Variants in CCL25 observed in about 807,000 individuals in gnomAD.
The protein encoded by CCL25 is C-C motif chemokine ligand 25.
CCL25 carries 14 observed loss-of-function variants against 19.9 expected under a neutral mutation model. The observed-to-expected ratio is 0.70, with a 90% CI of 0.47 to 1.10. CCL25 has a LOEUF of 1.10. Among genes scored for constraint, CCL25 ranks in the 50% least tolerant of loss-of-function variants. The pLI is 0.00. For synonymous variants in CCL25, 68 were observed against 73.2 expected (o/e 0.93, Z 0.36); for missense variants, 151 against 181.2 (o/e 0.83, Z 0.96).
At position 8,062,377 on chromosome 19, in the gene CCL25, AC is replaced by A; in HGVS notation, c.*154del. 1 of 743,432 alleles carries A rather than the reference AC, an allele frequency of 1.3e-6. No individual in the cohort carries two copies. Among genetic ancestry groups the A allele is most frequent in the Non-Finnish European group, 2.3e-6 (1 of 439,544 alleles). The allele number at this position is 743,432 out of a possible 1,614,324, so 46.1% of individuals were successfully genotyped here. A position where few individuals can be genotyped will look rare whatever the true frequency, so the allele number is the denominator to read the frequency against. On this transcript the variant is annotated 3_prime_UTR_variant, in exon 6 of 6. Coordinates refer to ENST00000315626, the MANE Select transcript of CCL25 (RefSeq NM_005624.4). ...GAGTTGGTCCTCCCTCTGCACCCCC[AC>A]CACCTCCTGCCCGTCTGGCAACTGG...
chr19:8,059,568 T>C (rs1199572641), intron 5 of CCL25, among the ~76,000 whole-genome samples: 1 of 152,084 alleles, frequency 6.6e-6, no homozygotes. Flanking sequence ...ACTGCCCCCA[T>C]TTCAGATGCT....
Position 8,056,148 on chromosome 19 carries a change from G to T in CCL25, c.74-4G>T, listed in dbSNP as rs1287762924. ...CGAGTATCTGGGCGGCTGTGTGGTT[G>T]CAGGTGTCTTTGAGGACTGCTGCCT... is the stretch of plus-strand genomic sequence containing the variant. On this transcript the variant is annotated splice_region_variant and splice_polypyrimidine_tract_variant and intron_variant, in intron 2 of 5. Transcript: ENST00000315626. 2 of 1,535,264 alleles carry T rather than the reference G, an allele frequency of 1.3e-6. No individual in the cohort carries two copies. The highest frequency in any genetic ancestry group is 2.1e-5 in the Admixed American group (1 of 47,402).
chr19:8,052,488 C>G (rs534613419), upstream of CCL25, among the ~76,000 whole-genome samples: 1 of 151,674 alleles, frequency 6.6e-6, no homozygotes, highest in South Asian at 2.1e-4. Context: ...GAGCCTTGTT[C>G]GCAGGCAGCC....
In CCL25 at chr19:8,060,977, G is replaced by A. The variant is rs1372356279; in HGVS notation, c.446-1241G>A. ...TTACAGGTGTGAGCCACCATGCCCG[G>A]CCTAATTTTTTTTTTTTTTTTTTTT... On this transcript the variant is annotated intron_variant, in intron 5 of 5. Coordinates refer to ENST00000315626, the MANE Select transcript of CCL25 (RefSeq NM_005624.4). Among the ~76,000 whole-genome samples the A allele has an allele frequency of 2.2e-5, 3 of 133,422 alleles. No homozygotes were observed. In the Admixed American group the frequency reaches 2.5e-4, roughly 11 times the overall value. 87.5% of individuals were successfully genotyped at this position (133,422 alleles called of 152,430 possible).
chr19:8,060,155 G>A (rs1454185081), intron 5 of CCL25, among the ~76,000 whole-genome samples: 3 of 151,236 alleles, frequency 2.0e-5, no homozygotes, highest in Non-Finnish European at 4.4e-5. Context: ...GAAACATAGC[G>A]GGACCCTGTC....
rs76328169 is a variant in CCL25 at position 8,056,211 on chromosome 19, C to T, written c.133C>T (p.Arg45Cys). The T allele has an allele frequency of 1.1e-4, 180 of 1,567,424 alleles. No homozygotes were observed. The African/African-American group carries it at 2.1e-3, about 18-fold the overall frequency. The stretch of plus-strand genomic sequence containing the variant: ...CCCCATTGGGTGGGCTGTGCTCCGG[C>T]GCGCCTGGACTTACCGGATCCAGGA... ...HYPIGWAVLR[R>C]AWTYRIQEVS... Residue 45 changes from arginine (R) to cysteine (C), a missense_variant, in exon 3 of 6, where the codon CGC becomes TGC. Transcript: ENST00000315626.
At chr19:8,059,143 TA>T in intron 5 of CCL25, among the ~76,000 whole-genome samples, 1 of 21,398 alleles carries the variant, frequency 4.7e-5, no homozygotes, top group African/African-American at 1.3e-4. Flanking sequence ...ATATATTATA[TA>T]ATATATAATA....
Position 8,062,234 on chromosome 19 carries a change from A to G in CCL25, c.*9A>G. 3.1e-6 allele frequency: 5 copies of G among 1,612,872 alleles called. No individual in the cohort carries two copies. The highest frequency in any genetic ancestry group is 4.2e-6 in the Non-Finnish European group (5 of 1,179,978). On this transcript the variant is annotated 3_prime_UTR_variant, in exon 6 of 6. Transcript: ENST00000315626. The stretch of plus-strand genomic sequence containing the variant: ...CTTCTGCAGGACTGTGAGCCGGCTC[A>G]TTTCTGGGCTCCATCGGCACAGGAG...
chr19:8,058,326 TAA>T (rs2081287342), intron 5 of CCL25, among the ~76,000 whole-genome samples: 1 of 98,970 alleles, frequency 1.0e-5, no homozygotes, highest in African/African-American at 3.1e-5. Context: ...AGTAAATATA[TAA>T]TATATAAATA....
chr19:8,055,414 C>A (rs949962003), intron 2 of CCL25, among the ~76,000 whole-genome samples: 1 of 150,594 alleles, frequency 6.6e-6, no homozygotes, highest in Non-Finnish European at 1.5e-5. Flanking sequence ...CGGCTCACTG[C>A]AAGCTCTGCC....
chr19:8,056,333 C>T, intron 3 of CCL25, 33 bp from the exon 4 acceptor site: 1 of 1,611,536 alleles, frequency 6.2e-7, no homozygotes, highest in Non-Finnish European at 8.5e-7. Flanking sequence ...CAGCCTACAC[C>T]CTAACCTGGG....
chr19:8,056,931 C>A (rs1396243476), intron 4 of CCL25, among the ~76,000 whole-genome samples: 1 of 152,174 alleles, frequency 6.6e-6, no homozygotes, highest in Non-Finnish European at 1.5e-5. Flanking sequence ...AAGCCTTGAC[C>A]TCCCAGGCTC....
At position 8,052,978 on chromosome 19, in the gene CCL25, C is replaced by T. The variant is rs529411568; in HGVS notation, c.-50-22C>T. The T allele has an allele frequency of 7.2e-5, 78 of 1,079,820 alleles. No homozygotes were observed. In the African/African-American group the frequency reaches 1.1e-3, roughly 16 times the overall value. 66.9% of individuals were successfully genotyped at this position (1,079,820 alleles called of 1,614,324 possible). On this transcript the variant is annotated intron_variant, in intron 1 of 5. Coordinates refer to ENST00000315626, the MANE Select transcript of CCL25 (RefSeq NM_005624.4). The stretch of plus-strand genomic sequence containing the variant: ...CTCCCCTCCTCTTCCTCAGTCCTTA[C>T]CACTTCCCTCCACGACCCCAGGTGG...
rs747395720 is a variant in CCL25 at position 8,056,227 on chromosome 19, G to A, written c.149G>A (p.Arg50Gln). Residue 50 changes from arginine to glutamine, a missense_variant, in exon 3 of 6, where the codon CGG becomes CAG. Coordinates refer to ENST00000315626, the MANE Select transcript of CCL25 (RefSeq NM_005624.4). ...GTGCTCCGGCGCGCCTGGACTTACCGGATCCAGGAGGTGAGCGGGAGCTGC... is the reference window on the plus strand; with the variant it reads ...GTGCTCCGGCGCGCCTGGACTTACCAGATCCAGGAGGTGAGCGGGAGCTGC... ...WAVLRRAWTY[R>Q]IQEVSGSCNL... 2.0e-5 allele frequency: 32 copies of A among 1,586,432 alleles called. 1 individual carries two copies. The highest frequency in any genetic ancestry group is 1.7e-4 in the South Asian group (15 of 87,568).
At chr19:8,060,075 C>T (rs1051441701) in intron 5 of CCL25, among the ~76,000 whole-genome samples, 1 of 150,608 alleles carries the variant, frequency 6.6e-6, no homozygotes, top group African/African-American at 2.4e-5. Flanking sequence ...GGCAAAAGAG[C>T]GAGACTCTGT....
intron 2 of CCL25, among the ~76,000 whole-genome samples, chr19:8,053,548 T>A (rs1178473321): frequency 1.4e-5 from 1 of 70,576 alleles, no homozygotes; most frequent in Non-Finnish European, 2.8e-5. Flanking sequence ...TCCTAAACCA[T>A]TTTTTTTTTT....
chr19:8,057,908 T>A lies in CCL25; in HGVS notation c.433T>A (p.Ser145Thr). The A allele has an allele frequency of 1.9e-6, 3 of 1,612,214 alleles. No homozygotes were observed. Among genetic ancestry groups the A allele is most frequent in the Non-Finnish European group, 2.5e-6 (3 of 1,178,666 alleles). ...SSKRNVSLLI[S>T]ANSGL ...TAAGAGGAATGTCTCCCTCCTGATA[T>A]CAGCTAATTCAGGTAAGGACTCTTG... The change falls in exon 5 of 6, where the codon TCA becomes ACA. Residue 145 changes from serine to threonine, a missense_variant. Ser to Thr is a moderately conservative substitution (Grantham distance 58). Transcript: ENST00000315626.
chr19:8,058,615 TATATATAATGTATAAATA>T (rs1168876502), intron 5 of CCL25, among the ~76,000 whole-genome samples: 13 of 130,474 alleles, frequency 1.0e-4, no homozygotes, highest in African/African-American at 3.4e-4. Flanking sequence ...TAATATAAAG[TATATATAATGTATAAATA>T]ATATATAATA....
intron 4 of CCL25, 41 bp from the exon 5 acceptor site, chr19:8,057,760 G>C (rs1368033368): frequency 3.2e-6 from 5 of 1,579,618 alleles, no homozygotes; most frequent in Non-Finnish European, 4.3e-6. Context: ...CTCAAAGGAT[G>C]ATGGCAGAGC....
Sources: allele counts gnomAD v4.1 joint callset (sites outside exome capture counted in the v4.1 genomes callset), GRCh38; gene constraint gnomAD v4.1.1; transcripts MANE v1.5; gene names NCBI Gene and HGNC (gene_info 2026-07-23, HGNC 2026-07-21).